The following ASIC2 variants were observed in gnomAD, a reference collection of about 807,000 sequenced individuals.
The protein encoded by ASIC2 is acid-sensing ion channel 2.
A neutral mutation model predicts 57.3 loss-of-function variants in ASIC2; 25 were observed. The ratio of observed to expected loss-of-function variants is 0.44; its 90% CI spans 0.32 to 0.61. The LOEUF is 0.61. ASIC2 is among the 20% of genes least tolerant of loss of function. ASIC2 has a pLI of 0.06. For missense variants in ASIC2, 641 were observed against 738.1 expected, an observed-to-expected ratio of 0.87 and a Z score of 1.52; for synonymous variants, 319 against 307.5, an observed-to-expected ratio of 1.04 and a Z score of -0.39.
At chr17:33,628,693 G>A (rs1052297051) in intron 1 of ASIC2, among the ~76,000 whole-genome samples, 3 of 152,062 alleles carry the variant, frequency 2.0e-5, no homozygotes, top group Admixed American at 6.6e-5. Context: ...GTCCATGCCT[G>A]GTAAGTGTTA....
At chr17:33,899,306 G>A (rs975371327) in intron 1 of ASIC2, among the ~76,000 whole-genome samples, 8 of 152,164 alleles carry the variant, frequency 5.3e-5, no homozygotes, top group East Asian at 1.9e-4. Context: ...TAGTGAAGCT[G>A]AACCGTGGGG....
chr17:33,219,346 C>T (rs1907611713), intron 1 of ASIC2, among the ~76,000 whole-genome samples: 1 of 152,216 alleles, frequency 6.6e-6, no homozygotes, highest in South Asian at 2.1e-4. Flanking sequence ...TTCAGTTAAT[C>T]TTCACGATGA....
At chr17:33,952,888 T>A (rs1460131358) in intron 1 of ASIC2, among the ~76,000 whole-genome samples, 2 of 152,208 alleles carry the variant, frequency 1.3e-5, no homozygotes, top group African/African-American at 2.4e-5. Flanking sequence ...TTCACTCTAA[T>A]GGTGATTCCT....
intron 1 of ASIC2, among the ~76,000 whole-genome samples, chr17:33,194,230 A>T (rs983402478): frequency 3.9e-5 from 6 of 152,188 alleles, no homozygotes; most frequent in African/African-American, 1.4e-4. Context: ...GCACGCTAAA[A>T]AGCTCCTTGT....
rs552397882 is a variant in ASIC2 at position 33,964,782 on chromosome 17, T to C, written c.555+191196A>G. Among the ~76,000 whole-genome samples, 273 of 152,316 alleles carry C rather than the reference T, an allele frequency of 1.8e-3. 4 individuals carry two copies. Among genetic ancestry groups the C allele is most frequent in the South Asian group, 1.4e-3 (7 of 4,830 alleles). On this transcript the variant is annotated intron_variant, in intron 1 of 9. Coordinates refer to the ASIC2 transcript ENST00000359872. The stretch of plus-strand genomic sequence containing the variant: ...TAGCTTAGAGTGAGACCTCACTCCA[T>C]TGAAGGCAGCCGCCTGCGGTGGTGG...
intron 3 of ASIC2, among the ~76,000 whole-genome samples, chr17:33,059,061 AAAAAACC>A (rs1424050139): frequency 1.3e-5 from 2 of 152,076 alleles, no homozygotes; most frequent in South Asian, 4.1e-4. Context: ...TATGGCTCTA[AAAAAACC>A]AAAAACCAAA....
At chr17:33,613,389 C>T (rs71379404) in intron 1 of ASIC2, among the ~76,000 whole-genome samples, 5,043 of 105,878 alleles carry the variant, frequency 0.048, 228 homozygotes, top group African/African-American at 0.15. Context: ...TTTTTTTTTT[C>T]CTTCCTGCTC....
chr17:33,963,734 G>A lies in ASIC2; in HGVS notation c.555+192244C>T, dbSNP rs551299945. 2.0e-5 allele frequency among the ~76,000 whole-genome samples: 3 copies of A among 152,194 alleles called. No individual in the cohort carries two copies. The East Asian group carries it at 5.8e-4, about 29-fold the overall frequency. ...TAAACTCAGTATGTCTTGTCAGTGG[G>A]GAGTTCGGAGAGTTTTCACAAACAT... is the stretch of plus-strand genomic sequence containing the variant. On this transcript the variant is annotated intron_variant, in intron 1 of 9. Transcript: ENST00000359872.
intron 1 of ASIC2, among the ~76,000 whole-genome samples, chr17:33,196,409 C>G (rs945177805): frequency 1.3e-5 from 2 of 152,130 alleles, no homozygotes; most frequent in Non-Finnish European, 2.9e-5. Flanking sequence ...CTTCGGCCAC[C>G]AAGAAGGATA....
At chr17:33,705,218 A>C (rs1908827822) in intron 1 of ASIC2, among the ~76,000 whole-genome samples, 1 of 152,234 alleles carries the variant, frequency 6.6e-6, no homozygotes, top group Non-Finnish European at 1.5e-5. Context: ...GGAGTTAGAT[A>C]ATATAGAATT....
intron 1 of ASIC2, among the ~76,000 whole-genome samples, chr17:33,787,136 G>A (rs138380362): frequency 7.2e-5 from 11 of 152,292 alleles, no homozygotes; most frequent in Admixed American, 2.0e-4. Flanking sequence ...CTCTCACAGC[G>A]TGCTCACAAA....
chr17:33,723,673 C>A (rs1909455162), intron 1 of ASIC2, among the ~76,000 whole-genome samples: 1 of 152,132 alleles, frequency 6.6e-6, no homozygotes, highest in Non-Finnish European at 1.5e-5. Context: ...CAGAATGAAT[C>A]CACAGAGATT....
At chr17:33,667,424 A>G (rs1488583725) in intron 1 of ASIC2, among the ~76,000 whole-genome samples, 2 of 152,148 alleles carry the variant, frequency 1.3e-5, no homozygotes, top group Non-Finnish European at 1.5e-5. Flanking sequence ...CCTTATACAT[A>G]TGTTTCTCTC....
At chr17:33,062,983 A>G (rs1449521983) in intron 3 of ASIC2, among the ~76,000 whole-genome samples, 1 of 151,828 alleles carries the variant, frequency 6.6e-6, no homozygotes, top group East Asian at 1.9e-4. Context: ...TAGGATTGCA[A>G]CCCCTGCCTT....
intron 1 of ASIC2, among the ~76,000 whole-genome samples, chr17:33,986,622 A>T (rs1192861527): frequency 6.6e-6 from 1 of 152,112 alleles, no homozygotes; most frequent in Admixed American, 6.5e-5. Flanking sequence ...AGGGACACTT[A>T]CTTCCTGCTC....
chr17:34,111,920 T>C lies in ASIC2; in HGVS notation c.555+44058A>G, dbSNP rs1343703368. ...TAGTGATTTTGGGAAAAGCATATCA[T>C]ATATATTAAGTCAAGATAATAGAAT... is the stretch of plus-strand genomic sequence containing the variant. On this transcript the variant is annotated intron_variant, in intron 1 of 9. Coordinates refer to the ASIC2 transcript ENST00000359872. Among the ~76,000 whole-genome samples, 4 of 152,320 alleles carry C rather than the reference T, an allele frequency of 2.6e-5. No homozygotes were observed. The South Asian group carries it at 6.2e-4, about 24-fold the overall frequency.
intron 1 of ASIC2, among the ~76,000 whole-genome samples, chr17:33,995,044 C>A (rs1349854648): frequency 6.6e-6 from 1 of 152,142 alleles, no homozygotes; most frequent in Non-Finnish European, 1.5e-5. Flanking sequence ...TTTCTCATAA[C>A]TAGCTTGCCT....
chr17:33,843,162 C>T (rs1453895602), intron 1 of ASIC2, among the ~76,000 whole-genome samples: 1 of 152,154 alleles, frequency 6.6e-6, no homozygotes, highest in Non-Finnish European at 1.5e-5. Context: ...TATTGATTGT[C>T]TTTCTTCCGC....
At chr17:33,620,252 A>AC (rs1555547842) in intron 1 of ASIC2, among the ~76,000 whole-genome samples, 1 of 151,584 alleles carries the variant, frequency 6.6e-6, no homozygotes, top group Non-Finnish European at 1.5e-5. Flanking sequence ...AAAAAAAAAA[A>AC]AAAAAAAAAC....
Sources: gnomAD v4.1 joint callset for allele counts (sites outside exome capture counted in the v4.1 genomes callset) on GRCh38, gnomAD v4.1.1 for gene constraint, MANE v1.5 for transcripts, NCBI Gene and HGNC (gene_info 2026-07-23, HGNC 2026-07-21) for gene names.